Variants in DSCAM observed in about 807,000 individuals in gnomAD.
DSCAM encodes DS cell adhesion molecule.
In DSCAM, 47 loss-of-function variants were observed where a neutral mutation model predicts 217.7. The observed-to-expected ratio is 0.22, with a 90% confidence interval of 0.17 to 0.28. DSCAM has a LOEUF of 0.28. Ranked by LOEUF, DSCAM falls within the 10% of genes least tolerant of loss-of-function variation. The pLI is 1.00. For missense variants in DSCAM, 2,080 were observed against 2,618.3 expected, an observed-to-expected ratio of 0.79 and a Z score of 4.49; for synonymous variants, 1,056 against 1,015.3, an observed-to-expected ratio of 1.04 and a Z score of -0.76.
At chr21:40,587,074 T>C (rs2076952027) in intron 3 of DSCAM, among the ~76,000 whole-genome samples, 1 of 144,378 alleles carries the variant, frequency 6.9e-6, no homozygotes, top group South Asian at 2.3e-4. Flanking sequence ...CTTAAAATAA[T>C]CTTGTGATCA....
intron 1 of DSCAM, among the ~76,000 whole-genome samples, chr21:40,839,407 A>G (rs898202377): frequency 2.0e-5 from 3 of 152,312 alleles, no homozygotes; most frequent in Admixed American, 1.3e-4. Context: ...TAAGAAAGGC[A>G]AGGCTTATTG....
intron 3 of DSCAM, among the ~76,000 whole-genome samples, chr21:40,576,844 A>G (rs1328007921): frequency 6.6e-6 from 1 of 152,134 alleles, no homozygotes; most frequent in Non-Finnish European, 1.5e-5. Flanking sequence ...AAAAAGGGCT[A>G]AGATCACGAA....
chr21:40,750,742 A>G (rs1415290023), intron 1 of DSCAM, among the ~76,000 whole-genome samples: 10 of 152,054 alleles, frequency 6.6e-5, no homozygotes. Flanking sequence ...TCACTCGATG[A>G]GCAGTCCCTC....
chr21:40,033,181 C>T (rs1209192191), intron 32 of DSCAM, among the ~76,000 whole-genome samples: 2 of 152,006 alleles, frequency 1.3e-5, no homozygotes, highest in African/African-American at 4.8e-5. Flanking sequence ...GCCAAGATGG[C>T]CGAATAGGAA....
chr21:40,139,678 G>A (rs1263241675), intron 18 of DSCAM, among the ~76,000 whole-genome samples: 5 of 152,022 alleles, frequency 3.3e-5, no homozygotes, highest in African/African-American at 1.2e-4. Context: ...GGTGTGGTAT[G>A]TGGTGTATAT....
At chr21:40,044,378 C>T (rs1016332777) in intron 30 of DSCAM, 103 bp from the exon 31 acceptor site, 1 of 1,191,324 alleles carries the variant, frequency 8.4e-7, no homozygotes, top group South Asian at 1.5e-5. Flanking sequence ...GCCGACTCGC[C>T]CACGCCCTCC....
chr21:40,604,819 G>A (rs930758642), intron 3 of DSCAM, among the ~76,000 whole-genome samples: 2 of 152,162 alleles, frequency 1.3e-5, no homozygotes, highest in Non-Finnish European at 2.9e-5. Flanking sequence ...GTATACCCAA[G>A]TCCCTGGATT....
Position 40,652,450 on chromosome 21 carries a change from G to A in DSCAM, c.508+40360C>T, listed in dbSNP as rs186049088. Among the ~76,000 whole-genome samples the A allele has an allele frequency of 9.9e-5, 15 of 152,132 alleles. No homozygotes were observed. The East Asian group carries it at 2.9e-3, about 29-fold the overall frequency. ...TTAGTTGATGACATGAACAACAGATGCCAAAAGCTATGTGATCAGCCAGAA... is the reference window on the plus strand; with the variant it reads ...TTAGTTGATGACATGAACAACAGATACCAAAAGCTATGTGATCAGCCAGAA... On this transcript the variant is annotated intron_variant, in intron 3 of 32. Transcript: ENST00000400454.
At chr21:40,289,157 T>C (rs2073862007) in intron 10 of DSCAM, among the ~76,000 whole-genome samples, 1 of 152,154 alleles carries the variant, frequency 6.6e-6, no homozygotes, top group South Asian at 2.1e-4. Flanking sequence ...CTATTTCCTA[T>C]GAAATTAGAA....
chr21:40,155,688 C>T (rs1465288208), intron 16 of DSCAM, among the ~76,000 whole-genome samples: 3 of 152,180 alleles, frequency 2.0e-5, no homozygotes, highest in Middle Eastern at 6.8e-3. Flanking sequence ...TGTAAGACAG[C>T]GCCAGGGGAG....
At chr21:40,309,618 C>T (rs186204895) in intron 9 of DSCAM, among the ~76,000 whole-genome samples, 100 of 152,268 alleles carry the variant, frequency 6.6e-4, no homozygotes, top group African/African-American at 2.4e-3. Context: ...CTCATTTCTT[C>T]TCTGCTTCTG....
chr21:40,469,485 A>G (rs2075871011), intron 3 of DSCAM, among the ~76,000 whole-genome samples: 1 of 152,186 alleles, frequency 6.6e-6, no homozygotes, highest in South Asian at 2.1e-4. Context: ...TTCCCTGACA[A>G]AGTTGAACAT....
intron 3 of DSCAM, among the ~76,000 whole-genome samples, chr21:40,485,526 G>A (rs1482860655): frequency 6.6e-6 from 1 of 152,026 alleles, no homozygotes; most frequent in African/African-American, 2.4e-5. Context: ...ACAGGCGTGA[G>A]CCACCGCGCC....
chr21:40,757,056 G>A (rs1240560319), intron 1 of DSCAM, among the ~76,000 whole-genome samples: 1 of 151,636 alleles, frequency 6.6e-6, no homozygotes, highest in Non-Finnish European at 1.5e-5. Context: ...ATGGAGTCTT[G>A]CTCTGTTGCC....
At chr21:40,297,641 G>A (rs1054724064) in intron 9 of DSCAM, among the ~76,000 whole-genome samples, 4 of 152,196 alleles carry the variant, frequency 2.6e-5, no homozygotes, top group African/African-American at 9.7e-5. Context: ...AATGATCTGA[G>A]CCAACGTGAC....
chr21:40,547,763 T>C (rs1212645337), intron 3 of DSCAM, among the ~76,000 whole-genome samples: 1 of 152,120 alleles, frequency 6.6e-6, no homozygotes, highest in Non-Finnish European at 1.5e-5. Flanking sequence ...GGAGCAATGC[T>C]TCCACTGTCC....
chr21:40,651,573 C>T (rs1174453083), intron 3 of DSCAM, among the ~76,000 whole-genome samples: 1 of 152,142 alleles, frequency 6.6e-6, no homozygotes, highest in African/African-American at 2.4e-5. Flanking sequence ...AACTCACTTG[C>T]TTTTCCCAAC....
intron 18 of DSCAM, among the ~76,000 whole-genome samples, chr21:40,137,610 C>CACAT (rs1555882489): frequency 4.1e-4 from 47 of 114,498 alleles, no homozygotes; most frequent in African/African-American, 1.4e-3. Flanking sequence ...CACACACACA[C>CACAT]ACACACACAC....
chr21:40,193,794 T>C (rs185202228), intron 11 of DSCAM, among the ~76,000 whole-genome samples: 2 of 152,216 alleles, frequency 1.3e-5, no homozygotes, highest in Non-Finnish European at 2.9e-5. Flanking sequence ...CTTTGAGAAC[T>C]TGGTAAGTCA....
Sources: gnomAD v4.1 joint callset for allele counts (sites outside exome capture counted in the v4.1 genomes callset) on GRCh38, gnomAD v4.1.1 for gene constraint, MANE v1.5 for transcripts, NCBI Gene and HGNC (gene_info 2026-07-23, HGNC 2026-07-21) for gene names.